The following CDH20 variants were observed in gnomAD, a reference collection of about 807,000 sequenced individuals.
CDH20 encodes the protein cadherin-20.
CDH20 carries 29 observed loss-of-function variants against 74.2 expected under a neutral mutation model. The observed-to-expected ratio is 0.39, with a 90% confidence interval of 0.29 to 0.53. The LOEUF (loss-of-function observed/expected upper bound fraction) is 0.53, where lower values mean the gene tolerates loss of function less well. CDH20 is among the 20% of genes least tolerant of loss of function. The pLI, the probability that CDH20 is intolerant of heterozygous loss-of-function variation, is 0.69. For missense variants in CDH20, 988 were observed against 1,048.3 expected, an observed-to-expected ratio of 0.94 and a Z score of 0.79; for synonymous variants, 469 against 405.4, an observed-to-expected ratio of 1.16 and a Z score of -1.88.
chr18:61,372,093 A>T (rs1391340622), intron 1 of CDH20, among the ~76,000 whole-genome samples: 1 of 152,096 alleles, frequency 6.6e-6, no homozygotes, highest in Non-Finnish European at 1.5e-5. Context: ...TCACTCACAC[A>T]ATATGTGTGT....
At chr18:61,511,447 G>A (rs1911780702) in intron 6 of CDH20, among the ~76,000 whole-genome samples, 1 of 152,060 alleles carries the variant, frequency 6.6e-6, no homozygotes, top group Non-Finnish European at 1.5e-5. Flanking sequence ...GCCTCCCAAA[G>A]GGCTAGGATT....
chr18:61,538,608 G>GTTTTTTTTTTTTTTTTTTTTTTT lies in CDH20; in HGVS notation c.1409-411_1409-410insTTTTTTTTTTTTTTTTTTTTTTT, dbSNP rs1449356386. Among the ~76,000 whole-genome samples, 32 of 36,326 alleles carry GTTTTTTTTTTTTTTTTTTTTTTT rather than the reference G, an allele frequency of 8.8e-4. 6 individuals are homozygous for GTTTTTTTTTTTTTTTTTTTTTTT. Among genetic ancestry groups the GTTTTTTTTTTTTTTTTTTTTTTT allele is most frequent in the Non-Finnish European group, 1.3e-3 (21 of 16,558 alleles). The allele number at this position is 36,326 out of a possible 152,430, so 23.8% of individuals were successfully genotyped here. A position where few individuals can be genotyped will look rare whatever the true frequency, so the allele number is the denominator to read the frequency against. Reference sequence around the variant, plus strand: ...TGTTTGTTTGTTTGTTTTTGTTTTTGTTTTTGTTTTTGTTTTGTTTTTTTT... The same window carrying GTTTTTTTTTTTTTTTTTTTTTTT: ...TGTTTGTTTGTTTGTTTTTGTTTTTGTTTTTTTTTTTTTTTTTTTTTTTTTTTTGTTTTTGTTTTGTTTTTTTT... On this transcript the variant is annotated intron_variant, in intron 8 of 11. Coordinates refer to ENST00000262717, the MANE Select transcript of CDH20 (RefSeq NM_031891.4).
chr18:61,492,450 T>A (rs1264842738), intron 2 of CDH20, among the ~76,000 whole-genome samples: 10 of 152,138 alleles, frequency 6.6e-5, no homozygotes, highest in African/African-American at 2.4e-4. Context: ...ATCATGTCAC[T>A]CCTCTACTTA....
chr18:61,384,313 T>C (rs1265754718), intron 1 of CDH20, among the ~76,000 whole-genome samples: 1 of 152,228 alleles, frequency 6.6e-6, no homozygotes, highest in East Asian at 1.9e-4. Context: ...AAGAATTGTA[T>C]TGATAAATGG....
intron 4 of CDH20, among the ~76,000 whole-genome samples, chr18:61,501,768 A>G (rs1000946512): frequency 6.6e-6 from 1 of 152,168 alleles, no homozygotes; most frequent in Non-Finnish European, 1.5e-5. Context: ...CAATTCTACT[A>G]AGGGCAAGGG....
intron 1 of CDH20, among the ~76,000 whole-genome samples, chr18:61,418,945 A>G (rs1038748638): frequency 4.6e-5 from 7 of 152,128 alleles, no homozygotes; most frequent in African/African-American, 1.7e-4. Flanking sequence ...ACATGCTTTT[A>G]TTTGAATTTG....
chr18:61,456,875 A>G (rs1909588786), intron 1 of CDH20, among the ~76,000 whole-genome samples: 1 of 152,144 alleles, frequency 6.6e-6, no homozygotes, highest in African/African-American at 2.4e-5. Flanking sequence ...TTGTATCCTC[A>G]AATGGTTGAG....
intron 1 of CDH20, among the ~76,000 whole-genome samples, chr18:61,347,305 TATATATATATATATACACACACACAC>T (rs1228446794): frequency 1.2e-5 from 1 of 82,874 alleles, no homozygotes; most frequent in African/African-American, 5.6e-5. Context: ...TATATATATA[TATATATATATATATACACACACACAC>T]ACACACACAC....
At chr18:61,516,218 C>T (rs1911997858) in intron 6 of CDH20, among the ~76,000 whole-genome samples, 1 of 152,224 alleles carries the variant, frequency 6.6e-6, no homozygotes, top group Non-Finnish European at 1.5e-5. Flanking sequence ...TATACTATCA[C>T]TCAACCAGTA....
chr18:61,444,378 A>G (rs1323197269), intron 1 of CDH20, among the ~76,000 whole-genome samples: 2 of 152,164 alleles, frequency 1.3e-5, no homozygotes, highest in African/African-American at 4.8e-5. Flanking sequence ...CTTTCTTGGG[A>G]ACTGTTGAGT....
chr18:61,453,522 G>T (rs1051660319), intron 1 of CDH20, among the ~76,000 whole-genome samples: 1 of 151,966 alleles, frequency 6.6e-6, no homozygotes, highest in African/African-American at 2.4e-5. Context: ...CTCGTGATCC[G>T]CCTGCCTCAG....
At chr18:61,413,822 G>A (rs1008392309) in intron 1 of CDH20, among the ~76,000 whole-genome samples, 1 of 152,090 alleles carries the variant, frequency 6.6e-6, no homozygotes, top group Non-Finnish European at 1.5e-5. Flanking sequence ...GTAACATGAA[G>A]CATACAAATG....
intron 1 of CDH20, among the ~76,000 whole-genome samples, chr18:61,469,269 A>G (rs982171531): frequency 4.0e-5 from 6 of 151,790 alleles, no homozygotes; most frequent in Admixed American, 6.6e-5. Context: ...GGCAGATGGA[A>G]AGCCACTCAG....
Position 61,507,689 on chromosome 18 carries a change from T to TAA in CDH20, c.1017+139_1017+140dup, listed in dbSNP as rs200287012. On this transcript the variant is annotated intron_variant, in intron 6 of 11. Coordinates refer to ENST00000262717, the MANE Select transcript of CDH20 (RefSeq NM_031891.4). The stretch of plus-strand genomic sequence containing the variant: ...CTGATAAAAGTGCTTTCCTATTATT[T>TAA]AAAAAAAAAAACACACAGAAAACCT... The TAA allele has an allele frequency of 7.3e-4, 341 of 464,818 alleles. 2 individuals are homozygous for TAA. Among genetic ancestry groups the TAA allele is most frequent in the South Asian group, 4.4e-3 (87 of 19,608 alleles). 28.8% of individuals were successfully genotyped at this position (464,818 alleles called of 1,614,324 possible).
At chr18:61,550,335 T>C (rs1568187302) in intron 11 of CDH20, 106 bp downstream of exon 11, 3 of 1,371,194 alleles carry the variant, frequency 2.2e-6, no homozygotes, top group Non-Finnish European at 3.0e-6. Context: ...CTTCCACACC[T>C]TGCTTACTCA....
chr18:61,492,384 A>T (rs776364955), intron 2 of CDH20, among the ~76,000 whole-genome samples: 5 of 152,020 alleles, frequency 3.3e-5, no homozygotes, highest in Admixed American at 6.6e-5. Context: ...CCTCATGTCC[A>T]CCTGCACCTC....
chr18:61,505,182 C>T (rs1466398383), intron 5 of CDH20, among the ~76,000 whole-genome samples: 3 of 152,106 alleles, frequency 2.0e-5, no homozygotes, highest in Non-Finnish European at 4.4e-5. Context: ...GTAGAACCAG[C>T]TAATTACATA....
intron 1 of CDH20, among the ~76,000 whole-genome samples, chr18:61,480,397 A>T (rs2046580274): frequency 6.6e-6 from 1 of 152,214 alleles, no homozygotes; most frequent in South Asian, 2.1e-4. Flanking sequence ...CGGGATGGTC[A>T]GGGCACAGCT....
intron 1 of CDH20, among the ~76,000 whole-genome samples, chr18:61,435,409 T>C (rs982428065): frequency 6.6e-6 from 1 of 152,108 alleles, no homozygotes; most frequent in Non-Finnish European, 1.5e-5. Context: ...TTCTCAGGAC[T>C]CTCAGACCAT....
Sources: allele counts gnomAD v4.1 joint callset (sites outside exome capture counted in the v4.1 genomes callset), GRCh38; gene constraint gnomAD v4.1.1; transcripts MANE v1.5; gene names NCBI Gene and HGNC (gene_info 2026-07-23, HGNC 2026-07-21).